Variants in ACCSL observed in about 807,000 individuals in gnomAD.
ACCSL encodes the protein probable inactive 1-aminocyclopropane-1-carboxylate synthase-like protein 2.
In ACCSL, 55 loss-of-function variants were observed where a neutral mutation model predicts 61.7. That is an observed-to-expected ratio of 0.89 (90% CI 0.72 to 1.12). ACCSL has a LOEUF of 1.12. Ranked by LOEUF, ACCSL falls within the 50% of genes most tolerant of loss-of-function variation. The pLI is 0.00. For missense variants in ACCSL, 632 were observed against 698.0 expected, an observed-to-expected ratio of 0.91 and a Z score of 1.07; for synonymous variants, 258 against 264.3, an observed-to-expected ratio of 0.98 and a Z score of 0.23.
At chr11:44,028,968 G>A in the ACCSL span, among the ~76,000 whole-genome samples, 197 of 152,308 alleles carry the variant, frequency 1.3e-3, 1 homozygote, top group Non-Finnish European at 1.0e-3. Context: ...TGGTGATCCT[G>A]TAGGCTTGAC....
the ACCSL span, among the ~76,000 whole-genome samples, chr11:44,003,889 A>G: frequency 9.9e-3 from 1,512 of 152,126 alleles, 30 homozygotes; most frequent in African/African-American, 0.035. Context: ...GATAGGGGGT[A>G]CCTCACTTGG....
chr11:44,047,468 G>A (rs1952606012), upstream of ACCSL, among the ~76,000 whole-genome samples: 1 of 152,186 alleles, frequency 6.6e-6, no homozygotes, highest in Admixed American at 6.5e-5. Context: ...CGTGGTCTCT[G>A]TCATGACTAT....
At chr11:44,000,549 C>G in the ACCSL span, among the ~76,000 whole-genome samples, 56,340 of 113,730 alleles carry the variant, frequency 0.5, 13,002 homozygotes, top group Middle Eastern at 0.6. Context: ...GAAAAGAAAA[C>G]AAAATTGTAA....
chr11:44,027,863 A>G, the ACCSL span, among the ~76,000 whole-genome samples: 1 of 152,196 alleles, frequency 6.6e-6, no homozygotes, highest in Admixed American at 6.5e-5. Flanking sequence ...TTAAGCTTAA[A>G]AAGTGAGTCA....
chr11:43,939,219 C>T, the ACCSL span, among the ~76,000 whole-genome samples: 2 of 152,214 alleles, frequency 1.3e-5, no homozygotes, highest in Non-Finnish European at 2.9e-5. Flanking sequence ...TCACAGGTGA[C>T]ATTTGCAATA....
At chr11:44,047,677 T>C (rs919240918), upstream of ACCSL, among the ~76,000 whole-genome samples, 10 of 152,228 alleles carry the variant, frequency 6.6e-5, no homozygotes, top group African/African-American at 2.4e-4. Flanking sequence ...CCTTTTTTCC[T>C]ATTTAACCAA....
the ACCSL span, among the ~76,000 whole-genome samples, chr11:44,001,817 GTGTGTGTGTGTGT>G: frequency 3.7e-5 from 5 of 133,334 alleles, no homozygotes; most frequent in African/African-American, 1.3e-4. Context: ...GTGTGTGTGT[GTGTGTGTGTGTGT>G]AGAGGGTGGG....
At chr11:43,926,595 A>T in the ACCSL span, 1 of 376,646 alleles carries the variant, frequency 2.7e-6, no homozygotes, top group Non-Finnish European at 5.3e-6. Flanking sequence ...TTACAGATAG[A>T]AGTAAACCCA....
the ACCSL span, among the ~76,000 whole-genome samples, chr11:43,946,431 T>G: frequency 3.3e-5 from 5 of 152,184 alleles, no homozygotes; most frequent in Admixed American, 1.3e-4. Flanking sequence ...TTGTAATTTT[T>G]TATTGCCCTA....
chr11:43,987,936 C>T, the ACCSL span, among the ~76,000 whole-genome samples: 8 of 152,054 alleles, frequency 5.3e-5, no homozygotes, highest in South Asian at 2.1e-4. Flanking sequence ...CCCACCCCCC[C>T]GCAGGGAATT....
chr11:43,987,279 C>G, the ACCSL span, among the ~76,000 whole-genome samples: 3 of 152,228 alleles, frequency 2.0e-5, no homozygotes, highest in African/African-American at 7.2e-5. Context: ...CTGCCACCAA[C>G]CCACTCTGGT....
the ACCSL span, among the ~76,000 whole-genome samples, chr11:44,010,326 C>T: frequency 9.9e-5 from 15 of 152,102 alleles, 1 homozygote; most frequent in Non-Finnish European, 2.1e-4. Context: ...GTGACAAGAG[C>T]GAAACTCTGT....
chr11:43,963,838 G>C, the ACCSL span, among the ~76,000 whole-genome samples: 3 of 152,176 alleles, frequency 2.0e-5, no homozygotes, highest in African/African-American at 7.2e-5. Flanking sequence ...AGCTATACCT[G>C]CATTTAATTT....
chr11:44,007,920 A>G, the ACCSL span, among the ~76,000 whole-genome samples: 1 of 152,078 alleles, frequency 6.6e-6, no homozygotes, highest in Non-Finnish European at 1.5e-5. Flanking sequence ...TCGACTCCTA[A>G]AACAGCACAC....
At chr11:43,943,401 G>T in the ACCSL span, 2 of 1,399,966 alleles carry the variant, frequency 1.4e-6, no homozygotes, top group Non-Finnish European at 9.3e-7. The surrounding 1 kb of genome is among the most constrained non-coding windows in gnomAD (Gnocchi z 4.8). Context: ...CTCCTCGCGC[G>T]CTCGGACTCC....
the ACCSL span, among the ~76,000 whole-genome samples, chr11:44,031,462 A>G: frequency 6.6e-6 from 1 of 152,214 alleles, no homozygotes; most frequent in Non-Finnish European, 1.5e-5. Context: ...GAGGAAAACA[A>G]AGGAAAGCAT....
chr11:44,039,741 T>C, the ACCSL span, among the ~76,000 whole-genome samples: 1 of 152,208 alleles, frequency 6.6e-6, no homozygotes, highest in Non-Finnish European at 1.5e-5. Context: ...CAGGCACCTG[T>C]GTGTTAAACA....
At chr11:44,000,847 A>G in the ACCSL span, among the ~76,000 whole-genome samples, 282 of 152,368 alleles carry the variant, frequency 1.9e-3, 2 homozygotes, top group Non-Finnish European at 2.0e-3. Flanking sequence ...GTGAGCATCA[A>G]TGAATTTTGG....
the ACCSL span, among the ~76,000 whole-genome samples, chr11:44,015,143 T>A: frequency 6.6e-6 from 1 of 152,262 alleles, no homozygotes; most frequent in Admixed American, 6.5e-5. Flanking sequence ...ATGGCTTTTT[T>A]TCTGAGCACA....
Sources: gnomAD v4.1 joint callset for allele counts (sites outside exome capture counted in the v4.1 genomes callset) on GRCh38, gnomAD v4.1.1 for gene constraint, Gnocchi (gnomAD v3.1) non-coding constraint, MANE v1.5 for transcripts, NCBI Gene and HGNC (gene_info 2026-07-23, HGNC 2026-07-21) for gene names.